The following CENPS variants were observed in gnomAD, a reference collection of about 807,000 sequenced individuals.
CENPS encodes FANCM associated histone fold protein 1.
CENPS carries 16 observed loss-of-function variants against 17.9 expected under a neutral mutation model. The observed-to-expected ratio is 0.90, with a 90% CI of 0.61 to 1.36. The LOEUF is 1.36. Among genes scored for constraint, CENPS ranks in the 40% most tolerant of loss-of-function variants. CENPS has a pLI of 0.00. For missense variants in CENPS, 160 were observed against 158.6 expected, an observed-to-expected ratio of 1.01 and a Z score of -0.05; for synonymous variants, 49 against 55.8, an observed-to-expected ratio of 0.88 and a Z score of 0.54.
At chr1:10,441,767 A>G (rs1304672223) in intron 4 of CENPS, among the ~76,000 whole-genome samples, 1 of 151,350 alleles carries the variant, frequency 6.6e-6, no homozygotes, top group Non-Finnish European at 1.5e-5. Flanking sequence ...CTGGGCCTAC[A>G]GGCACCCACC....
At chr1:10,438,568 C>CT (rs1640275358) in intron 3 of CENPS, among the ~76,000 whole-genome samples, 1 of 152,180 alleles carries the variant, frequency 6.6e-6, no homozygotes, top group Non-Finnish European at 1.5e-5. Context: ...TGGGAATCGT[C>CT]TTTAAAGCCC....
chr1:10,441,817 G>C (rs1557780234), intron 4 of CENPS, among the ~76,000 whole-genome samples: 3 of 151,444 alleles, frequency 2.0e-5, no homozygotes, highest in Non-Finnish European at 4.4e-5. Flanking sequence ...AGTAGAGACG[G>C]GGTTTCACCG....
At chr1:10,431,082 GTAT>G (rs1326289136) in intron 1 of CENPS, 2 of 1,378,288 alleles carry the variant, frequency 1.5e-6, no homozygotes, top group African/African-American at 2.9e-5. Context: ...ACTTGTGATC[GTAT>G]CGACTCGGCC....
chr1:10,433,966 G>A lies in CENPS; in HGVS notation c.175+1G>A, dbSNP rs1171453395. On this transcript the variant is annotated splice_donor_variant, in intron 2 of 4. Coordinates refer to ENST00000309048, the MANE Select transcript of CENPS (RefSeq NM_199294.3). LOFTEE classifies it high-confidence loss of function. ...TCGGAGCTGACTTTCCGACAGTGTG[G>A]TATGAAGCTTCGGCCTCCCCAGCCA... 1.9e-6 allele frequency: 3 copies of A among 1,614,160 alleles called. No homozygotes were observed. Among genetic ancestry groups the A allele is most frequent in the Admixed American group, 3.3e-5 (2 of 60,012 alleles).
At chr1:10,435,711 A>G (rs1409848459) in intron 3 of CENPS, among the ~76,000 whole-genome samples, 1 of 129,576 alleles carries the variant, frequency 7.7e-6, no homozygotes, top group Non-Finnish European at 1.6e-5. Context: ...TAATATATAT[A>G]TATATACACA....
Position 10,442,294 on chromosome 1 carries a change from G to GA in CENPS, c.307dup (p.Ile103AsnfsTer5). The GA allele has an allele frequency of 6.3e-7, 1 of 1,597,394 alleles. No individual in the cohort carries two copies. Among genetic ancestry groups the GA allele is most frequent in the Non-Finnish European group, 8.5e-7 (1 of 1,176,008 alleles). ...AATACATCACAGACAAAAGTGAAGA[G>GA]ATTGCTCAGATTAACCTAGAACGAA... is the stretch of plus-strand genomic sequence containing the variant. On this transcript the variant is annotated frameshift_variant, in exon 5 of 5. Coordinates refer to ENST00000309048, the MANE Select transcript of CENPS (RefSeq NM_199294.3). LOFTEE classifies it low-confidence loss of function (END_TRUNC).
Position 10,435,974 on chromosome 1 carries a change from G to A in CENPS, c.209+1284G>A, listed in dbSNP as rs1464881091. Among the ~76,000 whole-genome samples, 4 of 135,984 alleles carry A rather than the reference G, an allele frequency of 2.9e-5. No homozygotes were observed. In the Admixed American group the frequency reaches 3.2e-4, roughly 11 times the overall value. 89.2% of individuals were successfully genotyped at this position (135,984 alleles called of 152,430 possible). ...ATTCTGTGTTTTTTAAAGTATATAA[G>A]AGGTTGATTTTTTTTTTTTTTTGGA... On this transcript the variant is annotated intron_variant, in intron 3 of 4. Coordinates refer to ENST00000309048, the MANE Select transcript of CENPS (RefSeq NM_199294.3).
intron 2 of CENPS, 25 bp downstream of exon 2, chr1:10,433,990 C>G (rs777701667): frequency 1.9e-6 from 3 of 1,613,878 alleles, no homozygotes; most frequent in Non-Finnish European, 2.5e-6. Context: ...CCTCCCCAGC[C>G]ATGTCTGTAA....
At chr1:10,433,501 T>G (rs893349985) in intron 1 of CENPS, among the ~76,000 whole-genome samples, 1 of 152,250 alleles carries the variant, frequency 6.6e-6, no homozygotes, top group African/African-American at 2.4e-5. Context: ...GCATATGCCC[T>G]TACTGAGTTG....
intron 1 of CENPS, chr1:10,431,230 G>A: frequency 1.3e-6 from 2 of 1,530,990 alleles, no homozygotes; most frequent in Non-Finnish European, 1.7e-6. Context: ...GCCGTGAAGA[G>A]GCTTAAAAGC....
chr1:10,431,209 C>G, intron 1 of CENPS: 1 of 1,517,412 alleles, frequency 6.6e-7, no homozygotes, highest in Admixed American at 2.0e-5. Flanking sequence ...GCGTCAGAGG[C>G]TGAGAACGTT....
intron 1 of CENPS, among the ~76,000 whole-genome samples, chr1:10,432,172 C>G (rs1639951496): frequency 4.6e-5 from 7 of 152,004 alleles, no homozygotes; most frequent in Admixed American, 4.6e-4. Context: ...ACTGCAACCT[C>G]CACCTCCCAG....
chr1:10,431,348 C>G (rs1470892360), intron 1 of CENPS: 1 of 1,535,194 alleles, frequency 6.5e-7, no homozygotes, highest in African/African-American at 1.4e-5. Context: ...AGCTGTCTAC[C>G]CTGCCCCTTG....
intron 3 of CENPS, among the ~76,000 whole-genome samples, chr1:10,435,115 A>G (rs193011916): frequency 3.9e-5 from 6 of 152,282 alleles, no homozygotes; most frequent in Admixed American, 2.0e-4. Flanking sequence ...GTGTACACAG[A>G]ATGGCAGGCA....
chr1:10,437,533 C>T (rs543786474), intron 3 of CENPS, among the ~76,000 whole-genome samples: 244 of 150,192 alleles, frequency 1.6e-3, no homozygotes, highest in African/African-American at 5.2e-3. Flanking sequence ...CTCAACTCAC[C>T]GCAACCTTTG....
intron 1 of CENPS, chr1:10,431,109 C>T (rs1056593149): frequency 5.0e-6 from 7 of 1,411,446 alleles, no homozygotes; most frequent in Admixed American, 2.9e-5. Flanking sequence ...ACGCAATTTT[C>T]TTCTCTGCAA....
Position 10,442,427 on chromosome 1 carries a change from T to C in CENPS, c.*22T>C. The C allele has an allele frequency of 1.9e-6, 3 of 1,554,222 alleles. No homozygotes were observed. Among genetic ancestry groups the C allele is most frequent in the South Asian group, 1.2e-5 (1 of 80,058 alleles). ...TTAAAGTCCCTCGCCGCTTGGAAAG[T>C]GCAGCCTTCTACAGGTAGAGCCACC... On this transcript the variant is annotated 3_prime_UTR_variant, in exon 5 of 5. Transcript: ENST00000309048.
At chr1:10,431,344 C>T (rs1204527684) in intron 1 of CENPS, 1 of 1,535,324 alleles carries the variant, frequency 6.5e-7, no homozygotes, top group South Asian at 1.2e-5. Flanking sequence ...CAGCAGCTGT[C>T]TACCCTGCCC....
intron 1 of CENPS, among the ~76,000 whole-genome samples, chr1:10,432,262 T>A (rs1229089773): frequency 6.6e-6 from 1 of 152,080 alleles, no homozygotes; most frequent in Non-Finnish European, 1.5e-5. Context: ...TAATTTTGTA[T>A]GTTTAGTAGA....
Sources: allele counts gnomAD v4.1 joint callset (sites outside exome capture counted in the v4.1 genomes callset), GRCh38; gene constraint gnomAD v4.1.1; transcripts MANE v1.5; gene names NCBI Gene and HGNC (gene_info 2026-07-23, HGNC 2026-07-21).